FUT8: variants seen among roughly 807,000 people sequenced by gnomAD.
FUT8 encodes the protein alpha-(1,6)-fucosyltransferase.
FUT8 carries 29 observed loss-of-function variants against 71.3 expected under a neutral mutation model. That is an observed-to-expected ratio of 0.41 (90% confidence interval 0.30 to 0.55). FUT8 has a LOEUF of 0.55. Ranked by LOEUF, FUT8 falls within the 20% of genes least tolerant of loss-of-function variation. The probability of loss-of-function intolerance (pLI) is 0.34; values close to 1 mark genes in which losing one functional copy is unlikely to be tolerated. For synonymous variants in FUT8, 254 were observed against 239.3 expected (o/e 1.06, Z -0.57); for missense variants, 544 against 702.1 (o/e 0.77, Z 2.55).
intron 2 of FUT8, among the ~76,000 whole-genome samples, chr14:65,505,368 A>G (rs2066713648): frequency 7.6e-6 from 1 of 130,858 alleles, no homozygotes; most frequent in Non-Finnish European, 1.5e-5. Flanking sequence ...GCTGGAGTGC[A>G]GTGGTGCAAT....
At chr14:65,396,753 CAG>C in the FUT8 span, among the ~76,000 whole-genome samples, 7 of 152,232 alleles carry the variant, frequency 4.6e-5, no homozygotes, top group African/African-American at 1.4e-4. This position sits in a 1 kb window ranked among gnomAD's most constrained non-coding sequence, Gnocchi z 5.5. Flanking sequence ...GTGACTAAAT[CAG>C]GGGCTGGATT....
rs971707648 is a variant in FUT8 at position 65,497,617 on chromosome 14, G to A, written c.-228+41899G>A. On this transcript the variant is annotated intron_variant, in intron 2 of 10. Coordinates refer to ENST00000673929, the MANE Select transcript of FUT8 (RefSeq NM_001371533.1). Reference sequence around the variant, plus strand: ...GGTGGTAAATTTTTTCCATTTAAATGTTTACATATATGTGATTTTTGTATG... The same window carrying A: ...GGTGGTAAATTTTTTCCATTTAAATATTTACATATATGTGATTTTTGTATG... Among the ~76,000 whole-genome samples the A allele has an allele frequency of 4.0e-5, 6 of 151,886 alleles. 1 individual carries two copies. Among genetic ancestry groups the A allele is most frequent in the African/African-American group, 1.2e-4 (5 of 41,368 alleles).
chr14:65,408,402 G>A (rs1043061790), upstream of FUT8, among the ~76,000 whole-genome samples: 1 of 152,136 alleles, frequency 6.6e-6, no homozygotes, highest in Non-Finnish European at 1.5e-5. Context: ...AAGGGGAGGA[G>A]GGTATCTGGG....
At chr14:65,558,423 A>G (rs1016471910) in intron 2 of FUT8, among the ~76,000 whole-genome samples, 3 of 152,162 alleles carry the variant, frequency 2.0e-5, no homozygotes, top group Admixed American at 2.0e-4. Flanking sequence ...AATAATAAAT[A>G]TGAAAGTTTA....
At chr14:65,601,285 G>A (rs887151983) in intron 3 of FUT8, among the ~76,000 whole-genome samples, 5 of 152,110 alleles carry the variant, frequency 3.3e-5, no homozygotes, top group African/African-American at 4.8e-5. Flanking sequence ...GCTTCTCCAT[G>A]TATCGAATTT....
intron 2 of FUT8, among the ~76,000 whole-genome samples, chr14:65,525,668 A>G (rs537461635): frequency 6.6e-6 from 1 of 152,274 alleles, no homozygotes; most frequent in African/African-American, 2.4e-5. Flanking sequence ...TGTCAATGTT[A>G]GATCTTTCCT....
intron 2 of FUT8, among the ~76,000 whole-genome samples, chr14:65,463,885 A>T (rs2066002350): frequency 6.6e-6 from 1 of 152,212 alleles, no homozygotes; most frequent in Admixed American, 6.5e-5. Flanking sequence ...TGTTTGAATT[A>T]TTCACTTTTA....
chr14:65,499,303 T>C (rs984568284), intron 2 of FUT8, among the ~76,000 whole-genome samples: 5 of 152,194 alleles, frequency 3.3e-5, no homozygotes, highest in Non-Finnish European at 7.3e-5. Context: ...TATACTTTCA[T>C]TCTGAATGAT....
intron 7 of FUT8, among the ~76,000 whole-genome samples, chr14:65,702,549 C>T (rs1214770348): frequency 6.6e-6 from 1 of 152,044 alleles, no homozygotes; most frequent in African/African-American, 2.4e-5. Context: ...TATAGCATGG[C>T]TCATTGAGAA....
At chr14:65,359,727 A>T in the FUT8 span, among the ~76,000 whole-genome samples, 1 of 152,206 alleles carries the variant, frequency 6.6e-6, no homozygotes, top group African/African-American at 2.4e-5. Context: ...TTATCCATTC[A>T]TCTGTTGACT....
the FUT8 span, among the ~76,000 whole-genome samples, chr14:65,387,050 C>T: frequency 6.6e-6 from 1 of 152,078 alleles, no homozygotes; most frequent in Admixed American, 6.6e-5. Flanking sequence ...CCATGTTGGT[C>T]AGGCTGGTCT....
intron 2 of FUT8, among the ~76,000 whole-genome samples, chr14:65,524,180 C>T (rs534303676): frequency 9.8e-5 from 15 of 152,298 alleles, no homozygotes; most frequent in South Asian, 2.1e-4. Flanking sequence ...GCCATTTTCA[C>T]GATATTGATT....
chr14:65,404,555 A>G, the FUT8 span, among the ~76,000 whole-genome samples: 1 of 151,826 alleles, frequency 6.6e-6, no homozygotes, highest in Non-Finnish European at 1.5e-5. Flanking sequence ...AGCTCACTGC[A>G]ACCTCTGCCT....
At chr14:65,701,571 ACCC>A (rs1894296854) in intron 7 of FUT8, among the ~76,000 whole-genome samples, 1 of 152,194 alleles carries the variant, frequency 6.6e-6, no homozygotes, top group Non-Finnish European at 1.5e-5. Context: ...ACTAAAATGC[ACCC>A]TAAATGTGTC....
intron 2 of FUT8, among the ~76,000 whole-genome samples, chr14:65,560,113 G>A (rs543730453): frequency 6.6e-6 from 1 of 152,148 alleles, no homozygotes; most frequent in Admixed American, 6.6e-5. Context: ...GAGATTTAAG[G>A]TGCAAACATA....
intron 2 of FUT8, among the ~76,000 whole-genome samples, chr14:65,523,376 T>C (rs1246390518): frequency 2.6e-5 from 4 of 152,262 alleles, no homozygotes; most frequent in East Asian, 1.9e-4. Context: ...TGTCTTCTTA[T>C]GAGAAGTGTC....
chr14:65,446,195 T>C (rs2065738716), intron 1 of FUT8, among the ~76,000 whole-genome samples: 1 of 152,254 alleles, frequency 6.6e-6, no homozygotes, highest in African/African-American at 2.4e-5. Context: ...ACAAGTTAGC[T>C]ATTGAACCCT....
chr14:65,453,175 G>C (rs958195139), intron 1 of FUT8, among the ~76,000 whole-genome samples: 3 of 147,928 alleles, frequency 2.0e-5, no homozygotes, highest in Non-Finnish European at 4.5e-5. Context: ...GTCTTGCTCT[G>C]TTACCTGGGC....
chr14:65,545,292 A>T (rs2139979907), intron 2 of FUT8, among the ~76,000 whole-genome samples: 1 of 152,208 alleles, frequency 6.6e-6, no homozygotes, highest in South Asian at 2.1e-4. Flanking sequence ...AGGAGAAGAT[A>T]TTTAAAAAAT....
Sources: gnomAD v4.1 joint callset for allele counts (sites outside exome capture counted in the v4.1 genomes callset) on GRCh38, gnomAD v4.1.1 for gene constraint, Gnocchi (gnomAD v3.1) non-coding constraint, MANE v1.5 for transcripts, NCBI Gene and HGNC (gene_info 2026-07-23, HGNC 2026-07-21) for gene names.